AVPR1B: variants seen among roughly 807,000 people sequenced by gnomAD.
AVPR1B encodes vasopressin V1b receptor.
AVPR1B carries 25 observed loss-of-function variants against 27.5 expected under a neutral mutation model. That is an observed-to-expected ratio of 0.91 (90% CI 0.66 to 1.27). AVPR1B has a LOEUF of 1.27. Ranked by LOEUF, AVPR1B falls within the 50% of genes most tolerant of loss-of-function variation. AVPR1B has a pLI of 0.00. For missense variants in AVPR1B, 595 were observed against 556.9 expected (o/e 1.07, Z -0.69); for synonymous variants, 248 against 240.2 (o/e 1.03, Z -0.30).
rs570122535 is a variant in AVPR1B at position 206,107,023 on chromosome 1, T to C, written c.*3166A>G. 2.0e-5 allele frequency among the ~76,000 whole-genome samples: 3 copies of C among 152,342 alleles called. No homozygotes were observed. The East Asian group carries it at 5.8e-4, about 29-fold the overall frequency. On this transcript the variant is annotated 3_prime_UTR_variant, in exon 2 of 2. Transcript: ENST00000367126. ...ACTGCTACAGCCTGGGCTGAATCTA[T>C]AGCCCTGTAGTAGATAAGTGATCTA...
rs1553289388 is a variant in AVPR1B, at chr1:206,109,502, C to CT, written c.*686dup. Among the ~76,000 whole-genome samples, 3 of 134,692 alleles carry CT rather than the reference C, an allele frequency of 2.2e-5. No individual in the cohort carries two copies. The highest frequency in any genetic ancestry group is 1.1e-4 in the African/African-American group (3 of 28,280). The allele number at this position is 134,692 out of a possible 152,430, so 88.4% of individuals were successfully genotyped here. A position where few individuals can be genotyped will look rare whatever the true frequency, so the allele number is the denominator to read the frequency against. ...ACCAGACCACAGAGAATATACAACA[C>CT]TTTCCCGTCATCCACGCTGTCATGG... is the stretch of plus-strand genomic sequence containing the variant. On this transcript the variant is annotated 3_prime_UTR_variant, in exon 2 of 2. Transcript: ENST00000367126.
At position 206,107,407 on chromosome 1, in the gene AVPR1B, C is replaced by T. The variant is rs1663296777; in HGVS notation, c.*2782G>A. Among the ~76,000 whole-genome samples, 1 of 152,176 alleles carries T rather than the reference C, an allele frequency of 6.6e-6. No homozygotes were observed. On this transcript the variant is annotated 3_prime_UTR_variant, in exon 2 of 2. Coordinates refer to ENST00000367126, the MANE Select transcript of AVPR1B (RefSeq NM_000707.5). ...TCCAAGGCCCTTCCACTGGCCCAGA[C>T]TGTCCAGGCGAGCCTCCTACAGGTC...
intron 1 of AVPR1B, among the ~76,000 whole-genome samples, chr1:206,111,754 AG>A (rs1172656587): frequency 6.6e-6 from 1 of 152,236 alleles, no homozygotes; most frequent in African/African-American, 2.4e-5. Context: ...GCTCAAGAGA[AG>A]GGAAGACATA....
Position 206,116,017 on chromosome 1 carries a change from C to A in AVPR1B, c.874G>T (p.Ala292Ser). ...ACACTGAAGAAGGGAGCCCAGCAAGCGATGTAGGCCAGCACGATGACAAAG... is the reference window on the plus strand; with the variant it reads ...ACACTGAAGAAGGGAGCCCAGCAAGAGATGTAGGCCAGCACGATGACAAAG... Reference protein sequence around the residue: ...MTFVIVLAYIACWAPFFSVQM... With the variant: ...MTFVIVLAYISCWAPFFSVQM... The change falls in exon 1 of 2, where the codon GCT becomes TCT. Residue 292 changes from alanine (A) to serine (S), a missense_variant. Physicochemically the swap from Ala to Ser is moderately conservative, Grantham distance 99 (BLOSUM62 1). Coordinates refer to ENST00000367126, the MANE Select transcript of AVPR1B (RefSeq NM_000707.5). The A allele has an allele frequency of 6.2e-7, 1 of 1,614,130 alleles. No homozygotes were observed. Among genetic ancestry groups the A allele is most frequent in the Non-Finnish European group, 8.5e-7 (1 of 1,179,986 alleles).
In AVPR1B at chr1:206,116,560, T is replaced by A. The variant is rs782647079; in HGVS notation, c.331A>T (p.Lys111Ter). 1.2e-6 allele frequency: 2 copies of A among 1,614,080 alleles called. No homozygotes were observed. Among genetic ancestry groups the A allele is most frequent in the Non-Finnish European group, 1.7e-6 (2 of 1,179,996 alleles). ...AACATGCTGAGCACCTGCAGGTACTTGACGGCCCTGCACAGGAGGTCGGGG... is the reference window on the plus strand; with the variant it reads ...AACATGCTGAGCACCTGCAGGTACTAGACGGCCCTGCACAGGAGGTCGGGG... ...QGPDLLCRAV[K>*]YLQVLSMFAS... The change falls in exon 1 of 2, where the codon AAG becomes TAG. Residue 111 changes from lysine to a stop codon, truncating the protein, a stop_gained. Transcript: ENST00000367126. LOFTEE classifies it high-confidence loss of function.
At chr1:206,112,372 C>G (rs1663395298) in intron 1 of AVPR1B, among the ~76,000 whole-genome samples, 1 of 152,182 alleles carries the variant, frequency 6.6e-6, no homozygotes, top group Non-Finnish European at 1.5e-5. Flanking sequence ...CCTCTCCCTT[C>G]TCTGTCTTGT....
Position 206,109,124 on chromosome 1 carries a change from G to T in AVPR1B, c.*1065C>A, listed in dbSNP as rs1296330638. On this transcript the variant is annotated 3_prime_UTR_variant, in exon 2 of 2. Coordinates refer to ENST00000367126, the MANE Select transcript of AVPR1B (RefSeq NM_000707.5). ...CCTATTACACAGGTGAGGAGACTGG[G>T]TCCTGGAAAGGGAGAGTGACTCACC... Among the ~76,000 whole-genome samples, 1 of 152,204 alleles carries T rather than the reference G, an allele frequency of 6.6e-6. No homozygotes were observed. The highest frequency in any genetic ancestry group is 1.5e-5 in the Non-Finnish European group (1 of 68,032).
Position 206,115,972 on chromosome 1 carries a change from C to G in AVPR1B, c.919G>C (p.Asp307His). 6.2e-7 allele frequency: 1 copy of G among 1,606,504 alleles called. No homozygotes were observed. The highest frequency in any genetic ancestry group is 8.5e-7 in the Non-Finnish European group (1 of 1,174,640). ...TTGCCTTCATCAGGGGCATTCTTGT[C>G]CCACACGGACCACATCTGGACACTG... is the stretch of plus-strand genomic sequence containing the variant. ...FFSVQMWSVW[D>H]KNAPDEDSTN... The change falls in exon 1 of 2, where the codon GAC becomes CAC. Residue 307 changes from aspartate to histidine, a missense_variant. Transcript: ENST00000367126.
rs782040695 is a variant in AVPR1B, at chr1:206,116,106, A to AGCCCGAGGT, written c.784_785insACCTCGGGC (p.Gly261_Leu262insHisLeuGly). On this transcript the variant is annotated inframe_insertion, in exon 1 of 2. Transcript: ENST00000367126. ...GTTGATGCTGCTGACCCGAGATGGC[A>AGCCCGAGGT]GCCCCCGAGTGGTGGCAGCTAAGGT... 2.4e-5 allele frequency: 39 copies of AGCCCGAGGT among 1,614,114 alleles called. No individual in the cohort carries two copies. The South Asian group carries it at 4.3e-4, about 18-fold the overall frequency.
Position 206,110,040 on chromosome 1 carries a change from A to C in AVPR1B, c.*149T>G. 1.2e-6 allele frequency: 1 copy of C among 858,536 alleles called. No homozygotes were observed. Among genetic ancestry groups the C allele is most frequent in the Non-Finnish European group, 1.8e-6 (1 of 565,036 alleles). The allele number at this position is 858,536 out of a possible 1,614,324, so 53.2% of individuals were successfully genotyped here. On this transcript the variant is annotated 3_prime_UTR_variant, in exon 2 of 2. Transcript: ENST00000367126. ...CTAGGGGCAGCTGTGACACCAGGGTAGGGGACCCATTCTGGCCTTTTCGCT... is the reference window on the plus strand; with the variant it reads ...CTAGGGGCAGCTGTGACACCAGGGTCGGGGACCCATTCTGGCCTTTTCGCT...
At position 206,116,308 on chromosome 1, in the gene AVPR1B, C is replaced by G; in HGVS notation, c.583G>C (p.Gly195Arg). Residue 195 changes from glycine (G) to arginine (R), a missense_variant, in exon 1 of 2, where the codon GGG becomes CGG. Coordinates refer to ENST00000367126, the MANE Select transcript of AVPR1B (RefSeq NM_000707.5). ...GTCCAGGTGAGGTAGGCCCGTGGCC[C>G]CCAAGGGAAGCCGAAGTCTGCCCAG... Reference protein sequence around the residue: ...DCWADFGFPWGPRAYLTWTTL... With the variant: ...DCWADFGFPWRPRAYLTWTTL... The G allele has an allele frequency of 1.2e-6, 2 of 1,613,554 alleles. No individual in the cohort carries two copies. The highest frequency in any genetic ancestry group is 1.7e-6 in the Non-Finnish European group (2 of 1,180,036).
At chr1:206,113,142 G>A (rs1217664404) in intron 1 of AVPR1B, among the ~76,000 whole-genome samples, 1 of 152,208 alleles carries the variant, frequency 6.6e-6, no homozygotes, top group Non-Finnish European at 1.5e-5. Flanking sequence ...GCTCACGTGA[G>A]CCAGGCCTTG....
rs1170564289 is a variant in AVPR1B, at chr1:206,110,417, G to C, written c.1047C>G (p.Pro349=). The change falls in exon 2 of 2, where the codon CCC becomes CCG. Residue 349 remains proline (P), a synonymous_variant. Transcript: ENST00000367126. ...CCCCACAGCAGGCAAGGTGACGCAG[G>C]GGCCGCGGTAACAGGTGGCTGTTGA... ...MGFNSHLLPR[P]LRHLACCGGP... 1.9e-6 allele frequency: 3 copies of C among 1,613,634 alleles called. No homozygotes were observed. The highest frequency in any genetic ancestry group is 1.3e-5 in the African/African-American group (1 of 74,942).
intron 1 of AVPR1B, among the ~76,000 whole-genome samples, chr1:206,114,363 C>T (rs1663427635): frequency 6.6e-6 from 1 of 152,186 alleles, no homozygotes. Flanking sequence ...ATGAGATGCA[C>T]TGCAGGGCAC....
rs1553289170 is a variant in AVPR1B, at chr1:206,107,575, A to T, written c.*2614T>A. ...GGACAGAACCAGCTTTCTGGAAAAG[A>T]TCAAGTGTAGCCTTTCCATGGGAGG... On this transcript the variant is annotated 3_prime_UTR_variant, in exon 2 of 2. Coordinates refer to ENST00000367126, the MANE Select transcript of AVPR1B (RefSeq NM_000707.5). Among the ~76,000 whole-genome samples the T allele has an allele frequency of 6.6e-6, 1 of 152,226 alleles. No homozygotes were observed. Among genetic ancestry groups the T allele is most frequent in the East Asian group, 1.9e-4 (1 of 5,184 alleles).
chr1:206,108,757 A>T lies in AVPR1B; in HGVS notation c.*1432T>A, dbSNP rs868911397. On this transcript the variant is annotated 3_prime_UTR_variant, in exon 2 of 2. Transcript: ENST00000367126. ...TTCCACCAGCAAGGCTCTCTCTTCAATTGGAATCAGAATTGGGTTGGGGAA... is the reference window on the plus strand; with the variant it reads ...TTCCACCAGCAAGGCTCTCTCTTCATTTGGAATCAGAATTGGGTTGGGGAA... Among the ~76,000 whole-genome samples, 2 of 152,224 alleles carry T rather than the reference A, an allele frequency of 1.3e-5. No homozygotes were observed. Among genetic ancestry groups the T allele is most frequent in the African/African-American group, 2.4e-5 (1 of 41,454 alleles).
rs782492574 is a variant in AVPR1B at position 206,110,479 on chromosome 1, G to T, written c.985C>A (p.Leu329Ile). The change falls in exon 2 of 2, where the codon CTC becomes ATC. Residue 329 changes from leucine (L) to isoleucine (I), a missense_variant. By Grantham distance (5) the Leu-to-Ile change is conservative. Transcript: ENST00000367126. ...ATCCAGGGGTTGCAGCAGCTGTTGA[G>T]GTTGCCCAAAAGCATAGAGATGGTG... ...AFTISMLLGN[L>I]NSCCNPWIYM... The T allele has an allele frequency of 6.2e-7, 1 of 1,613,764 alleles. No homozygotes were observed. The highest frequency in any genetic ancestry group is 1.1e-5 in the South Asian group (1 of 91,024).
chr1:206,111,893 A>T (rs1459910779), intron 1 of AVPR1B, among the ~76,000 whole-genome samples: 1 of 152,186 alleles, frequency 6.6e-6, no homozygotes, highest in African/African-American at 2.4e-5. Context: ...TAGAAGAGGG[A>T]TGATATGGTT....
chr1:206,112,136 A>G (rs1663392260), intron 1 of AVPR1B, among the ~76,000 whole-genome samples: 1 of 152,176 alleles, frequency 6.6e-6, no homozygotes, highest in African/African-American at 2.4e-5. Flanking sequence ...CAGAGATTGC[A>G]GTGAGCTGAG....
Sources: gnomAD v4.1 joint callset for allele counts (sites outside exome capture counted in the v4.1 genomes callset) on GRCh38, gnomAD v4.1.1 for gene constraint, MANE v1.5 for transcripts, NCBI Gene and HGNC (gene_info 2026-07-23, HGNC 2026-07-21) for gene names.